ZNF423: variants seen among roughly 807,000 people sequenced by gnomAD.
ZNF423 encodes Ebf-associated zinc finger protein.
A neutral mutation model predicts 95.8 loss-of-function variants in ZNF423; 12 were observed. The ratio of observed to expected loss-of-function variants is 0.13; its 90% CI spans 0.08 to 0.20. The LOEUF is 0.20. Ranked by LOEUF, ZNF423 falls within the 10% of genes least tolerant of loss-of-function variation. The pLI is 1.00. For missense variants in ZNF423, 1,316 were observed against 1,737.1 expected (o/e 0.76, Z 4.31); for synonymous variants, 749 against 711.9 (o/e 1.05, Z -0.83).
At chr16:49,783,631 G>C (rs937835334) in intron 2 of ZNF423, among the ~76,000 whole-genome samples, 4 of 144,738 alleles carry the variant, frequency 2.8e-5, no homozygotes, top group South Asian at 2.3e-4. Flanking sequence ...CGGGAGAGAG[G>C]GGGGGTTAGG....
At chr16:49,634,958 T>C (rs1431358218) in intron 4 of ZNF423, among the ~76,000 whole-genome samples, 2 of 152,212 alleles carry the variant, frequency 1.3e-5, no homozygotes, top group African/African-American at 4.8e-5. Flanking sequence ...CCCAGGCACC[T>C]CCAAACATAA....
intron 2 of ZNF423, among the ~76,000 whole-genome samples, chr16:49,733,917 A>G (rs530996499): frequency 4.2e-4 from 64 of 152,294 alleles, no homozygotes; most frequent in Non-Finnish European, 2.2e-4. Context: ...TCACCATAAG[A>G]CAAAAGAATA....
chr16:49,848,204 G>C (rs1345118251), intron 1 of ZNF423, among the ~76,000 whole-genome samples: 1 of 152,118 alleles, frequency 6.6e-6, no homozygotes, highest in Non-Finnish European at 1.5e-5. Flanking sequence ...AGAGATCTAA[G>C]CCCCTCCTCA....
At chr16:49,686,617 A>G (rs1596855194) in intron 3 of ZNF423, among the ~76,000 whole-genome samples, 3 of 151,872 alleles carry the variant, frequency 2.0e-5, no homozygotes, top group African/African-American at 7.2e-5. Context: ...GGACGCTCCA[A>G]TCACCCCCTC....
At chr16:49,809,829 G>A (rs2034723569) in intron 1 of ZNF423, among the ~76,000 whole-genome samples, 1 of 152,194 alleles carries the variant, frequency 6.6e-6, no homozygotes, top group African/African-American at 2.4e-5. Flanking sequence ...GTCTGGGGCT[G>A]GAGGGTCCAC....
intron 3 of ZNF423, 158 bp downstream of exon 3, chr16:49,730,613 A>T: frequency 2.7e-6 from 2 of 753,244 alleles, no homozygotes; most frequent in Non-Finnish European, 4.3e-6. Context: ...AATTGTATTT[A>T]AAAGGCGGAT....
In ZNF423 at chr16:49,638,773, G is replaced by A. The variant is rs1972861175; in HGVS notation, c.403C>T (p.Leu135Phe). The change falls in exon 4 of 8, where the codon CTC becomes TTC. Residue 135 changes from leucine (L) to phenylalanine (F), a missense_variant. Coordinates refer to ENST00000563137, the MANE Select transcript of ZNF423 (RefSeq NM_001379286.1). The surrounding 1 kb of genome is among the most constrained non-coding windows in gnomAD (Gnocchi z 5.6). ...QMIGDGCDLG[L>F]GEEEGGTGLP... ...CCCGTGCCCCCTTCCTCCTCGCCGAGGCCGAGGTCACAACCATCTCCGATC... is the reference window on the plus strand; with the variant it reads ...CCCGTGCCCCCTTCCTCCTCGCCGAAGCCGAGGTCACAACCATCTCCGATC... The A allele has an allele frequency of 1.2e-6, 2 of 1,614,144 alleles. No homozygotes were observed. Among genetic ancestry groups the A allele is most frequent in the Non-Finnish European group, 1.7e-6 (2 of 1,180,034 alleles).
chr16:49,532,185 T>A (rs1968870812), intron 5 of ZNF423, among the ~76,000 whole-genome samples: 1 of 152,188 alleles, frequency 6.6e-6, no homozygotes, highest in South Asian at 2.1e-4. Context: ...TGGTTACTCC[T>A]GGGATGGAAA....
At chr16:49,513,987 A>T (rs1047692915) in intron 7 of ZNF423, among the ~76,000 whole-genome samples, 9 of 152,050 alleles carry the variant, frequency 5.9e-5, no homozygotes, top group Admixed American at 4.6e-4. Flanking sequence ...ATAATGCAGG[A>T]AGGCAGTGGC....
intron 5 of ZNF423, among the ~76,000 whole-genome samples, chr16:49,534,854 C>T (rs983364156): frequency 9.2e-5 from 14 of 152,144 alleles, no homozygotes; most frequent in African/African-American, 2.2e-4. Flanking sequence ...TTTGCGATGG[C>T]GAAACTCGTG....
At chr16:49,778,071 C>A (rs979597374) in intron 2 of ZNF423, among the ~76,000 whole-genome samples, 1 of 152,156 alleles carries the variant, frequency 6.6e-6, no homozygotes, top group Non-Finnish European at 1.5e-5. Context: ...GGCCAGCAGC[C>A]ATCAGTTAAA....
intron 3 of ZNF423, among the ~76,000 whole-genome samples, chr16:49,683,612 G>A (rs942085344): frequency 6.6e-6 from 1 of 152,166 alleles, no homozygotes; most frequent in African/African-American, 2.4e-5. Flanking sequence ...AGTTCCCTTA[G>A]GGGCTACTGT....
intron 7 of ZNF423, among the ~76,000 whole-genome samples, chr16:49,517,307 TTC>T (rs1269117456): frequency 6.6e-6 from 1 of 152,222 alleles, no homozygotes; most frequent in Non-Finnish European, 1.5e-5. Context: ...AAAACCCCTG[TTC>T]TGAGTTGGCG....
intron 2 of ZNF423, among the ~76,000 whole-genome samples, chr16:49,776,524 C>T (rs1029370333): frequency 2.0e-5 from 3 of 152,234 alleles, no homozygotes; most frequent in Non-Finnish European, 2.9e-5. Flanking sequence ...TGGGAGCTCA[C>T]AAAGCTTCCC....
chr16:49,515,086 G>A lies in ZNF423; in HGVS notation c.3849+8538C>T, dbSNP rs186092291. 1.2e-4 allele frequency among the ~76,000 whole-genome samples: 18 copies of A among 152,366 alleles called. No homozygotes were observed. The East Asian group carries it at 2.5e-3, about 21-fold the overall frequency. On this transcript the variant is annotated intron_variant, in intron 7 of 7. Transcript: ENST00000563137. ...GAGGTCTTAGGAAGTCCCTATCTCC[G>A]TGACGAGAATGAATCCTTCCTCTCC...
At chr16:49,557,988 G>T (rs1597100053) in intron 5 of ZNF423, among the ~76,000 whole-genome samples, 1 of 152,246 alleles carries the variant, frequency 6.6e-6, no homozygotes, top group Non-Finnish European at 1.5e-5. Flanking sequence ...GAGGGGAAAA[G>T]ACGAGGGTCC....
intron 1 of ZNF423, among the ~76,000 whole-genome samples, chr16:49,808,236 A>AT (rs1397270326): frequency 6.6e-6 from 1 of 151,574 alleles, no homozygotes; most frequent in Non-Finnish European, 1.5e-5. Flanking sequence ...TAATTTTTTA[A>AT]TTTTTTGTAG....
chr16:49,513,812 G>A (rs943001740), intron 7 of ZNF423, among the ~76,000 whole-genome samples: 1 of 152,138 alleles, frequency 6.6e-6, no homozygotes, highest in African/African-American at 2.4e-5. Flanking sequence ...GAAACCAAAG[G>A]AAGGAGAATC....
At chr16:49,595,113 C>T (rs1020883906) in intron 5 of ZNF423, among the ~76,000 whole-genome samples, 13 of 152,188 alleles carry the variant, frequency 8.5e-5, no homozygotes, top group African/African-American at 3.1e-4. Flanking sequence ...CAGCTAAAGG[C>T]GGGAGGGCAG....
Sources: allele counts gnomAD v4.1 joint callset (sites outside exome capture counted in the v4.1 genomes callset), GRCh38; gene constraint gnomAD v4.1.1; non-coding constraint Gnocchi (gnomAD v3.1); transcripts MANE v1.5; gene names NCBI Gene and HGNC (gene_info 2026-07-23, HGNC 2026-07-21).